FSTL5: variants seen among roughly 807,000 people sequenced by gnomAD.
FSTL5 encodes follistatin-related protein 5.
A neutral mutation model predicts 89.1 loss-of-function variants in FSTL5; 62 were observed. The observed-to-expected ratio is 0.70, with a 90% confidence interval of 0.57 to 0.86. The LOEUF (loss-of-function observed/expected upper bound fraction) is 0.86, where lower values mean the gene tolerates loss of function less well. Among genes scored for constraint, FSTL5 ranks in the 40% least tolerant of loss-of-function variants. The pLI is 0.00. For synonymous variants in FSTL5, 383 were observed against 346.2 expected (o/e 1.11, Z -1.18); for missense variants, 1,057 against 1,001.6 (o/e 1.06, Z -0.75).
chr4:161,603,404 G>A (rs2126627558), intron 7 of FSTL5, among the ~76,000 whole-genome samples: 1 of 152,264 alleles, frequency 6.6e-6, no homozygotes, highest in South Asian at 2.1e-4. Flanking sequence ...AAGAGGAAGA[G>A]TTCTCTCTTT....
At position 162,046,614 on chromosome 4, in the gene FSTL5, G is replaced by C. The variant is rs909269047; in HGVS notation, c.127-12956C>G. On this transcript the variant is annotated intron_variant, in intron 2 of 15. Coordinates refer to ENST00000306100, the MANE Select transcript of FSTL5 (RefSeq NM_020116.5). ...TATAGCTGAAGCTATTTGGTAAAGA[G>C]CCACATAAATTAAATAAACATGCCA... 5.9e-4 allele frequency among the ~76,000 whole-genome samples: 90 copies of C among 151,888 alleles called. 1 individual carries two copies. The highest frequency in any genetic ancestry group is 2.2e-3 in the African/African-American group (90 of 41,336).
At chr4:162,097,491 C>A (rs1307645147) in intron 2 of FSTL5, among the ~76,000 whole-genome samples, 1 of 151,648 alleles carries the variant, frequency 6.6e-6, no homozygotes, top group East Asian at 1.9e-4. Flanking sequence ...ATAATCAACA[C>A]CATTTTCTAC....
intron 4 of FSTL5, among the ~76,000 whole-genome samples, chr4:161,834,535 T>C (rs1473231905): frequency 6.6e-6 from 1 of 152,186 alleles, no homozygotes; most frequent in Admixed American, 6.5e-5. Context: ...GATGACATGA[T>C]TGTATATCTA....
chr4:161,421,132 G>A (rs966598176), intron 15 of FSTL5, among the ~76,000 whole-genome samples: 1 of 152,038 alleles, frequency 6.6e-6, no homozygotes, highest in Non-Finnish European at 1.5e-5. Flanking sequence ...ACGAGGTCAG[G>A]AGATCGAGAC....
chr4:161,464,301 T>C (rs1415240439), intron 13 of FSTL5, among the ~76,000 whole-genome samples: 1 of 152,174 alleles, frequency 6.6e-6, no homozygotes, highest in Non-Finnish European at 1.5e-5. Flanking sequence ...TCAGCCATGC[T>C]TCTGCCTTTT....
intron 7 of FSTL5, among the ~76,000 whole-genome samples, chr4:161,596,011 A>T (rs2126617365): frequency 6.6e-6 from 1 of 152,084 alleles, no homozygotes; most frequent in East Asian, 1.9e-4. Flanking sequence ...AATTTGCAAT[A>T]GTGTAAAAGC....
intron 12 of FSTL5, among the ~76,000 whole-genome samples, chr4:161,489,517 A>T (rs1057122651): frequency 6.6e-6 from 1 of 152,144 alleles, no homozygotes; most frequent in Non-Finnish European, 1.5e-5. Context: ...GGGTTTATGG[A>T]TGAAACTAAT....
intron 1 of FSTL5, among the ~76,000 whole-genome samples, chr4:162,115,382 T>G (rs1475742612): frequency 2.6e-5 from 4 of 152,224 alleles, no homozygotes; most frequent in Admixed American, 2.6e-4. Flanking sequence ...CCACAGAAAG[T>G]GTTCTGGAAA....
At chr4:161,806,815 T>C (rs1729981231) in intron 4 of FSTL5, among the ~76,000 whole-genome samples, 1 of 152,046 alleles carries the variant, frequency 6.6e-6, no homozygotes, top group Non-Finnish European at 1.5e-5. Context: ...AAGTAAAAGA[T>C]AAAGAGAGTC....
intron 4 of FSTL5, among the ~76,000 whole-genome samples, chr4:161,844,489 T>C (rs1186807231): frequency 1.3e-5 from 2 of 152,102 alleles, no homozygotes; most frequent in African/African-American, 2.4e-5. Context: ...CCCACGTATG[T>C]TTATTGCAGC....
At chr4:161,674,459 G>T (rs920837860) in intron 6 of FSTL5, among the ~76,000 whole-genome samples, 1 of 152,096 alleles carries the variant, frequency 6.6e-6, no homozygotes, top group Non-Finnish European at 1.5e-5. Flanking sequence ...TCTTTGATGT[G>T]AAACATACTA....
Position 161,730,832 on chromosome 4 carries a change from G to A in FSTL5, c.727+28579C>T, listed in dbSNP as rs79028799. Among the ~76,000 whole-genome samples the A allele has an allele frequency of 7.7e-3, 1,174 of 152,186 alleles. 33 individuals are homozygous for A. Among genetic ancestry groups the A allele is most frequent in the South Asian group, 0.061 (294 of 4,824 alleles). On this transcript the variant is annotated intron_variant, in intron 6 of 15. Transcript: ENST00000306100. ...TTACAGATGAACATTGAAACACCAAGTATCTCATGAATGCTAAGTGGAAAT... is the reference window on the plus strand; with the variant it reads ...TTACAGATGAACATTGAAACACCAAATATCTCATGAATGCTAAGTGGAAAT...
chr4:161,615,426 C>A (rs939519973), intron 7 of FSTL5, among the ~76,000 whole-genome samples: 2 of 129,364 alleles, frequency 1.5e-5, no homozygotes, highest in African/African-American at 2.9e-5. Context: ...GCCTGGGTGA[C>A]AGGGCGAGAC....
At chr4:161,641,660 T>A (rs928146401) in intron 7 of FSTL5, among the ~76,000 whole-genome samples, 2 of 151,952 alleles carry the variant, frequency 1.3e-5, no homozygotes, top group Admixed American at 6.6e-5. Context: ...CCCAGATAAT[T>A]TTTGTATTTT....
intron 12 of FSTL5, among the ~76,000 whole-genome samples, chr4:161,493,348 T>A (rs1729948940): frequency 6.6e-6 from 1 of 151,840 alleles, no homozygotes; most frequent in Non-Finnish European, 1.5e-5. Context: ...CATCACTAAC[T>A]ACCTTTTTTT....
intron 6 of FSTL5, among the ~76,000 whole-genome samples, chr4:161,729,818 G>A (rs1739545365): frequency 6.6e-6 from 1 of 152,158 alleles, no homozygotes; most frequent in African/African-American, 2.4e-5. Context: ...ACAGGAAGAT[G>A]GCAAAGATGG....
rs188712189 is a variant in FSTL5, at chr4:161,468,689, T to A, written c.1609-9370A>T. Among the ~76,000 whole-genome samples, 1,177 of 152,298 alleles carry A rather than the reference T, an allele frequency of 7.7e-3. 12 individuals carry two copies. Among genetic ancestry groups the A allele is most frequent in the Middle Eastern group, 0.024 (7 of 294 alleles). On this transcript the variant is annotated intron_variant, in intron 13 of 15. Transcript: ENST00000306100. Reference sequence around the variant, plus strand: ...TTTCTTGATTTCTTCTTGTGTTTCATGTCATTAACTTATATTTTCTCTTTA... The same window carrying A: ...TTTCTTGATTTCTTCTTGTGTTTCAAGTCATTAACTTATATTTTCTCTTTA...
chr4:161,742,911 T>C (rs761111121), intron 6 of FSTL5, among the ~76,000 whole-genome samples: 19 of 152,122 alleles, frequency 1.2e-4, no homozygotes, highest in Non-Finnish European at 2.4e-4. Context: ...AAAATGCAGA[T>C]ATTCGTATAT....
At chr4:162,016,062 C>A (rs190726953) in intron 3 of FSTL5, among the ~76,000 whole-genome samples, 1 of 152,212 alleles carries the variant, frequency 6.6e-6, no homozygotes, top group Admixed American at 6.6e-5. Flanking sequence ...TAATTAACCT[C>A]TTGTTGGGAG....
Sources: gnomAD v4.1 joint callset for allele counts (sites outside exome capture counted in the v4.1 genomes callset) on GRCh38, gnomAD v4.1.1 for gene constraint, MANE v1.5 for transcripts, NCBI Gene and HGNC (gene_info 2026-07-23, HGNC 2026-07-21) for gene names.